VAV2: variants seen among roughly 807,000 people sequenced by gnomAD.
VAV2 encodes vav guanine nucleotide exchange factor 2.
VAV2 carries 67 observed loss-of-function variants against 132.5 expected under a neutral mutation model. The observed-to-expected ratio is 0.51, with a 90% CI of 0.42 to 0.62. The LOEUF is 0.62. VAV2 is among the 20% of genes least tolerant of loss of function. VAV2 has a pLI of 0.00. For missense variants in VAV2, 938 were observed against 1,153.6 expected, an observed-to-expected ratio of 0.81 and a Z score of 2.71; for synonymous variants, 492 against 443.5, an observed-to-expected ratio of 1.11 and a Z score of -1.37.
chr9:133,848,556 A>C (rs930007761), intron 3 of VAV2, among the ~76,000 whole-genome samples: 1 of 151,904 alleles, frequency 6.6e-6, no homozygotes, highest in African/African-American at 2.4e-5. Context: ...AGGCTGGAGA[A>C]AGCAACCAGC....
At chr9:133,855,595 G>A (rs1837354555) in intron 3 of VAV2, among the ~76,000 whole-genome samples, 1 of 152,220 alleles carries the variant, frequency 6.6e-6, no homozygotes, top group Admixed American at 6.5e-5. Context: ...CCGCATCTTA[G>A]GTCTCGTTGC....
chr9:133,925,496 G>C (rs1467738086), intron 2 of VAV2, among the ~76,000 whole-genome samples: 1 of 152,248 alleles, frequency 6.6e-6, no homozygotes, highest in Non-Finnish European at 1.5e-5. Flanking sequence ...GGGATTACAG[G>C]CATGAGCCAC....
intron 2 of VAV2, among the ~76,000 whole-genome samples, chr9:133,905,313 G>A (rs1366061410): frequency 1.3e-5 from 2 of 151,242 alleles, no homozygotes; most frequent in Non-Finnish European, 2.9e-5. Context: ...GCGGGCACCT[G>A]TAGTCCCAGC....
intron 3 of VAV2, among the ~76,000 whole-genome samples, chr9:133,841,984 G>A (rs765423210): frequency 1.1e-4 from 17 of 152,050 alleles, no homozygotes; most frequent in Non-Finnish European, 1.9e-4. Flanking sequence ...TGGTCCACCC[G>A]GCCCTGCCAT....
At chr9:133,880,336 G>A (rs1339051327) in intron 2 of VAV2, among the ~76,000 whole-genome samples, 3 of 152,354 alleles carry the variant, frequency 2.0e-5, no homozygotes, top group Admixed American at 6.5e-5. Flanking sequence ...GGCAGGTGGT[G>A]AGGGACCTGT....
At chr9:133,985,802 G>A (rs76164288) in intron 1 of VAV2, among the ~76,000 whole-genome samples, 6,133 of 152,228 alleles carry the variant, frequency 0.04, 285 homozygotes, top group African/African-American at 0.12. Flanking sequence ...GAAGCAAGCC[G>A]GTGTAACACA....
chr9:133,900,468 C>T (rs956654746), intron 2 of VAV2, among the ~76,000 whole-genome samples: 5 of 152,280 alleles, frequency 3.3e-5, no homozygotes, highest in Admixed American at 2.6e-4. Flanking sequence ...CTCTAACTGT[C>T]CCTCCACCCT....
At position 133,949,276 on chromosome 9, in the gene VAV2, C is replaced by T. The variant is rs186564190; in HGVS notation, c.205-10057G>A. On this transcript the variant is annotated intron_variant, in intron 1 of 29. Transcript: ENST00000371850. ...TGTCTCTGCACACTTCCCCTCCTTCCCCGAGGACGCCCTGACCCAATTCCG... is the reference window on the plus strand; with the variant it reads ...TGTCTCTGCACACTTCCCCTCCTTCTCCGAGGACGCCCTGACCCAATTCCG... Among the ~76,000 whole-genome samples, 36 of 152,316 alleles carry T rather than the reference C, an allele frequency of 2.4e-4. 1 individual carries two copies. The highest frequency in any genetic ancestry group is 7.7e-4 in the African/African-American group (32 of 41,570).
intron 13 of VAV2, among the ~76,000 whole-genome samples, chr9:133,790,212 C>T (rs915203077): frequency 2.6e-5 from 4 of 152,154 alleles, no homozygotes; most frequent in African/African-American, 9.7e-5. Context: ...AGTCTCACTA[C>T]GTCACCCAGG....
At chr9:133,983,976 T>C (rs1024009557) in intron 1 of VAV2, among the ~76,000 whole-genome samples, 1 of 152,160 alleles carries the variant, frequency 6.6e-6, no homozygotes, top group Non-Finnish European at 1.5e-5. Context: ...TGTGAGTTTT[T>C]TGTTTTTTCT....
At chr9:133,795,859 C>G in intron 11 of VAV2, 123 bp from the exon 12 acceptor site, 1 of 1,060,698 alleles carries the variant, frequency 9.4e-7, no homozygotes, top group Non-Finnish European at 1.4e-6. Context: ...CCCCCACCCG[C>G]CAGCCAGGCT....
intron 2 of VAV2, among the ~76,000 whole-genome samples, chr9:133,877,215 G>A (rs971699964): frequency 5.3e-5 from 8 of 152,072 alleles, no homozygotes; most frequent in South Asian, 2.1e-4. Context: ...GGCTCCCTCC[G>A]CCCTCAAACA....
rs1838627040 is a variant in VAV2 at position 133,884,577 on chromosome 9, CTGT to C, written c.322-23148_322-23146del. Among the ~76,000 whole-genome samples the C allele has an allele frequency of 6.6e-6, 1 of 152,160 alleles. No individual in the cohort carries two copies. Among genetic ancestry groups the C allele is most frequent in the South Asian group, 2.1e-4 (1 of 4,824 alleles). The stretch of plus-strand genomic sequence containing the variant: ...CTCTCCACCCAGGCTGGTTCCCAGG[CTGT>C]TACTTTATGGAACATCAGCAAGCTG... On this transcript the variant is annotated intron_variant, in intron 2 of 29. Coordinates refer to ENST00000371850, the MANE Select transcript of VAV2 (RefSeq NM_001134398.2). The surrounding 1 kb of genome is among the most constrained non-coding windows in gnomAD (Gnocchi z 5.3).
In VAV2 at chr9:133,778,824, T is replaced by C; in HGVS notation, c.1828A>G (p.Thr610Ala). Residue 610 changes from threonine (T) to alanine (A), a missense_variant, in exon 22 of 30, where the codon ACC (threonine) becomes GCC (alanine). Transcript: ENST00000371850. ...TCAAGCACGTCGCCCGTCTGGAAGGTCAGCACAGGCTTCCCGGGAGGGGCT... is the reference window on the plus strand; with the variant it reads ...TCAAGCACGTCGCCCGTCTGGAAGGCCAGCACAGGCTTCCCGGGAGGGGCT... ...NPAPPGKPVL[T>A]FQTGDVLELL... 6.2e-7 allele frequency: 1 copy of C among 1,613,028 alleles called. No individual in the cohort carries two copies. Among genetic ancestry groups the C allele is most frequent in the African/African-American group, 1.3e-5 (1 of 74,996 alleles).
chr9:133,776,167 T>C (rs1394273286), intron 23 of VAV2, 87 bp from the exon 24 acceptor site: 5 of 1,542,514 alleles, frequency 3.2e-6, no homozygotes, highest in African/African-American at 1.4e-5. Flanking sequence ...GTGACTGCCC[T>C]GTCCCCACAT....
chr9:133,902,899 A>T (rs1296082710), intron 2 of VAV2, among the ~76,000 whole-genome samples: 1 of 152,018 alleles, frequency 6.6e-6, no homozygotes, highest in Admixed American at 6.6e-5. Flanking sequence ...AACGTGGTAA[A>T]ACCCCATCTC....
At chr9:133,947,631 G>A (rs913617823) in intron 1 of VAV2, among the ~76,000 whole-genome samples, 1 of 151,506 alleles carries the variant, frequency 6.6e-6, no homozygotes, top group Non-Finnish European at 1.5e-5. Flanking sequence ...CTCGGGAGGT[G>A]GAGGTTGCAG....
At chr9:133,983,594 G>A (rs1842763858) in intron 1 of VAV2, among the ~76,000 whole-genome samples, 1 of 152,090 alleles carries the variant, frequency 6.6e-6, no homozygotes, top group Non-Finnish European at 1.5e-5. Flanking sequence ...GTCTCATCCT[G>A]CCCCACACCA....
chr9:133,771,384 T>C (rs1026217301), intron 26 of VAV2, among the ~76,000 whole-genome samples: 10 of 152,158 alleles, frequency 6.6e-5, no homozygotes, highest in African/African-American at 2.4e-4. Flanking sequence ...GATTTCTGCT[T>C]GACCTTGTGC....
Sources: allele counts gnomAD v4.1 joint callset (sites outside exome capture counted in the v4.1 genomes callset), GRCh38; gene constraint gnomAD v4.1.1; non-coding constraint Gnocchi (gnomAD v3.1); transcripts MANE v1.5; gene names NCBI Gene and HGNC (gene_info 2026-07-23, HGNC 2026-07-21).